SMG6: variants seen among roughly 807,000 people sequenced by gnomAD.
SMG6 encodes SMG6 nonsense mediated mRNA decay factor, also known as telomerase-binding protein EST1A.
A neutral mutation model predicts 142.2 loss-of-function variants in SMG6; 66 were observed. That is an observed-to-expected ratio of 0.46 (90% CI 0.38 to 0.57). The LOEUF is 0.57. SMG6 is among the 20% of genes least tolerant of loss of function. The pLI is 0.00. For missense variants in SMG6, 1,793 were observed against 1,832.0 expected (o/e 0.98, Z 0.39); for synonymous variants, 779 against 702.4 (o/e 1.11, Z -1.72).
intron 13 of SMG6, chr17:2,088,501 C>T (rs2068626416): frequency 1.0e-6 from 1 of 985,326 alleles, no homozygotes; most frequent in Admixed American, 6.1e-5. Context: ...CTATTAGTTC[C>T]TTCTCTAGGA....
chr17:2,105,103 T>TTC (rs1366178139), intron 13 of SMG6, among the ~76,000 whole-genome samples: 1 of 141,028 alleles, frequency 7.1e-6, no homozygotes, highest in South Asian at 2.3e-4. Flanking sequence ...TTTTTTTTTT[T>TTC]TTTTGTAGAG....
rs148702105 is a variant in SMG6, at chr17:2,293,868, G to A, written c.2152-891C>T. On this transcript the variant is annotated intron_variant, in intron 4 of 18. Coordinates refer to ENST00000263073, the MANE Select transcript of SMG6 (RefSeq NM_017575.5). ...TTACCTTCACCTAAAACAATGGATC[G>A]TCCTTTATCACACATTAACAACGTG... is the stretch of plus-strand genomic sequence containing the variant. Among the ~76,000 whole-genome samples, 934 of 152,292 alleles carry A rather than the reference G, an allele frequency of 6.1e-3. 5 individuals carry two copies. Among genetic ancestry groups the A allele is most frequent in the Non-Finnish European group, 0.011 (719 of 68,026 alleles).
intron 10 of SMG6, among the ~76,000 whole-genome samples, chr17:2,224,622 G>T (rs2073264397): frequency 6.6e-6 from 1 of 152,222 alleles, no homozygotes; most frequent in South Asian, 2.1e-4. Flanking sequence ...TAAGCCTGAT[G>T]TATGTCTTAT....
intron 8 of SMG6, among the ~76,000 whole-genome samples, chr17:2,272,119 T>C (rs1455752785): frequency 1.3e-5 from 2 of 152,320 alleles, no homozygotes; most frequent in Non-Finnish European, 2.9e-5. Context: ...CAAACTAGAA[T>C]GTGGCTCTGG....
chr17:2,213,809 A>C (rs2072933769), intron 10 of SMG6: 1 of 152,258 alleles, frequency 6.6e-6, no homozygotes, highest in African/African-American at 2.4e-5. Flanking sequence ...ATTTCGGCTC[A>C]GCCGAGAACT....
At chr17:2,134,978 C>G (rs2070247320) in intron 13 of SMG6, among the ~76,000 whole-genome samples, 1 of 152,034 alleles carries the variant, frequency 6.6e-6, no homozygotes, top group Non-Finnish European at 1.5e-5. Context: ...CTCCTGGGTT[C>G]AAGTGATTCT....
chr17:2,118,353 A>C (rs983982841), intron 13 of SMG6, among the ~76,000 whole-genome samples: 1 of 152,224 alleles, frequency 6.6e-6, no homozygotes, highest in African/African-American at 2.4e-5. Context: ...AGCCTGGCCA[A>C]CATGATGAAA....
chr17:2,223,837 T>A (rs2073244084), intron 10 of SMG6, among the ~76,000 whole-genome samples: 1 of 152,080 alleles, frequency 6.6e-6, no homozygotes, highest in African/African-American at 2.4e-5. Flanking sequence ...GAAAAGAAAC[T>A]AATCTTTGGA....
rs187413756 is a variant in SMG6, at chr17:2,127,823, C to A, written c.3358-41922G>T. 28 of 550,584 alleles carry A rather than the reference C, an allele frequency of 5.1e-5. No individual in the cohort carries two copies. In the Admixed American group the frequency reaches 5.2e-4, roughly 10 times the overall value. The allele number at this position is 550,584 out of a possible 1,614,324, so 34.1% of individuals were successfully genotyped here. A position where few individuals can be genotyped will look rare whatever the true frequency, so the allele number is the denominator to read the frequency against. On this transcript the variant is annotated intron_variant, in intron 13 of 18. Coordinates refer to ENST00000263073, the MANE Select transcript of SMG6 (RefSeq NM_017575.5). The stretch of plus-strand genomic sequence containing the variant: ...TCCAAAGTAATCATATCGTTTTTCA[C>A]ATTCACAGTCTGAGACATTATTTGC...
At chr17:2,240,855 A>G (rs1355398399) in intron 9 of SMG6, among the ~76,000 whole-genome samples, 30 of 152,210 alleles carry the variant, frequency 2.0e-4, no homozygotes, top group Non-Finnish European at 3.1e-4. Context: ...GCTCCCCATT[A>G]CAATCTCCTC....
intron 16 of SMG6, 113 bp from the exon 17 acceptor site, chr17:2,065,792 C>G (rs1235572460): frequency 2.3e-6 from 2 of 874,492 alleles, no homozygotes; most frequent in African/African-American, 1.7e-5. Flanking sequence ...CCATCCTTCC[C>G]CCACAGGAGT....
At chr17:2,303,007 TTC>T in intron 1 of SMG6, 1 of 985,472 alleles carries the variant, frequency 1.0e-6, no homozygotes, top group Non-Finnish European at 1.2e-6. Flanking sequence ...CTTAGAATCT[TTC>T]TTACTTTCCT....
In SMG6 at chr17:2,071,444, G is replaced by C. The variant is rs980754871; in HGVS notation, c.3682-2513C>G. Among the ~76,000 whole-genome samples, 2 of 152,314 alleles carry C rather than the reference G, an allele frequency of 1.3e-5. No homozygotes were observed. Among genetic ancestry groups the C allele is most frequent in the African/African-American group, 4.8e-5 (2 of 41,560 alleles). On this transcript the variant is annotated intron_variant, in intron 15 of 18. Transcript: ENST00000263073. This position sits in a 1 kb window ranked among gnomAD's most constrained non-coding sequence, Gnocchi z 5.6. ...GAAAAATCTAGAAGCGAGGTCCAGA[G>C]ACGCTCTAAATTCCCCGGGTTCTTA...
At chr17:2,173,710 A>G (rs771256840) in intron 12 of SMG6, among the ~76,000 whole-genome samples, 12 of 152,184 alleles carry the variant, frequency 7.9e-5, no homozygotes, top group Non-Finnish European at 1.6e-4. Flanking sequence ...TTGAAACTGC[A>G]AAGTCTGGCT....
intron 10 of SMG6, among the ~76,000 whole-genome samples, chr17:2,189,998 C>T (rs2072110067): frequency 6.6e-6 from 1 of 152,170 alleles, no homozygotes; most frequent in Non-Finnish European, 1.5e-5. Flanking sequence ...CAGTCTCACT[C>T]CTGTCCTGTT....
intron 10 of SMG6, chr17:2,235,627 T>A (rs1178217649): frequency 1.3e-5 from 2 of 152,372 alleles, no homozygotes; most frequent in South Asian, 2.1e-4. Context: ...GACCAAACAC[T>A]CTCTGTCAGT....
intron 13 of SMG6, chr17:2,089,556 C>G (rs570635603): frequency 6.6e-6 from 1 of 152,616 alleles, no homozygotes; most frequent in Non-Finnish European, 1.5e-5. Context: ...TGAAAGAAAG[C>G]CCCTTTCCCT....
chr17:2,076,422 A>AT (rs1288616538), intron 15 of SMG6, among the ~76,000 whole-genome samples: 1 of 152,068 alleles, frequency 6.6e-6, no homozygotes, highest in African/African-American at 2.4e-5. Context: ...TTTTCCTTGG[A>AT]TTTTCCCCCC....
intron 13 of SMG6, among the ~76,000 whole-genome samples, chr17:2,089,249 A>G (rs2068648290): frequency 6.6e-6 from 1 of 152,246 alleles, no homozygotes; most frequent in East Asian, 1.9e-4. Flanking sequence ...CAAACTCTGG[A>G]TCCTCCAGAG....
Sources: gnomAD v4.1 joint callset for allele counts (sites outside exome capture counted in the v4.1 genomes callset) on GRCh38, gnomAD v4.1.1 for gene constraint, Gnocchi (gnomAD v3.1) non-coding constraint, MANE v1.5 for transcripts, NCBI Gene and HGNC (gene_info 2026-07-23, HGNC 2026-07-21) for gene names.